ARHGEF11: variants seen among roughly 807,000 people sequenced by gnomAD.
The protein encoded by ARHGEF11 is Rho guanine nucleotide exchange factor 11.
Under a neutral mutation model 193.7 loss-of-function variants are expected in ARHGEF11, and 55 were observed. That is an observed-to-expected ratio of 0.28 (90% confidence interval 0.23 to 0.36). The LOEUF is 0.36. Ranked by LOEUF, ARHGEF11 falls within the 10% of genes least tolerant of loss-of-function variation. The probability of loss-of-function intolerance (pLI) is 1.00; values close to 1 mark genes in which losing one functional copy is unlikely to be tolerated. For synonymous variants in ARHGEF11, 693 were observed against 768.0 expected, an observed-to-expected ratio of 0.90 and a Z score of 1.62; for missense variants, 1,723 against 2,005.6, an observed-to-expected ratio of 0.86 and a Z score of 2.69.
At chr1:156,959,738 T>C (rs904000329) in intron 15 of ARHGEF11, among the ~76,000 whole-genome samples, 1 of 152,184 alleles carries the variant, frequency 6.6e-6, no homozygotes, top group African/African-American at 2.4e-5. Flanking sequence ...CAGCTTCCAA[T>C]TCCTGTCCTC....
At position 156,960,400 on chromosome 1, in the gene ARHGEF11, A is replaced by G. The variant is rs756431467; in HGVS notation, c.1282+18T>C. On this transcript the variant is annotated intron_variant, in intron 15 of 40. Transcript: ENST00000368194. ...AAAGCTACCAAGAAGAGACTTACCG[A>G]CCAATGAGCCAACTTACCAATTTCA... 6.2e-7 allele frequency: 1 copy of G among 1,613,934 alleles called. No individual in the cohort carries two copies. The highest frequency in any genetic ancestry group is 1.1e-5 in the South Asian group (1 of 91,082).
chr1:156,992,076 T>A (rs538538726), intron 1 of ARHGEF11, among the ~76,000 whole-genome samples: 1 of 152,338 alleles, frequency 6.6e-6, no homozygotes, highest in East Asian at 1.9e-4. Flanking sequence ...CAAAATGAAA[T>A]TTTAAAAGTA....
At position 156,974,200 on chromosome 1, in the gene ARHGEF11, T is replaced by G. The variant is rs184801017; in HGVS notation, c.583-2384A>C. On this transcript the variant is annotated intron_variant, in intron 7 of 40. Transcript: ENST00000368194. ...CTCCTACCTCAGCCTCCTAAGTAGC[T>G]AGGACTGCAGGCATGCACCATTATG... 6.5e-4 allele frequency among the ~76,000 whole-genome samples: 99 copies of G among 152,208 alleles called. No individual in the cohort carries two copies. In the Middle Eastern group the frequency reaches 0.024, roughly 37 times the overall value.
At chr1:156,976,451 A>G (rs1360940841) in intron 7 of ARHGEF11, among the ~76,000 whole-genome samples, 1 of 152,162 alleles carries the variant, frequency 6.6e-6, no homozygotes, top group African/African-American at 2.4e-5. Flanking sequence ...GGAACCATCT[A>G]ATCTTTTTTA....
intron 7 of ARHGEF11, among the ~76,000 whole-genome samples, chr1:156,973,524 C>T (rs1486559319): frequency 6.6e-6 from 1 of 152,156 alleles, no homozygotes; most frequent in Admixed American, 6.5e-5. Flanking sequence ...TGAGGATATC[C>T]GAATCTCTGT....
chr1:156,973,367 G>C (rs1244192489), intron 7 of ARHGEF11, among the ~76,000 whole-genome samples: 3 of 152,204 alleles, frequency 2.0e-5, no homozygotes, highest in Non-Finnish European at 4.4e-5. Context: ...GTAATAGCAA[G>C]TGGTGTGATT....
intron 1 of ARHGEF11, among the ~76,000 whole-genome samples, chr1:157,018,696 T>G (rs1321046062): frequency 6.6e-6 from 1 of 151,658 alleles, no homozygotes. Context: ...CTAAAACAAT[T>G]CTGGAAACAG....
intron 33 of ARHGEF11, among the ~76,000 whole-genome samples, chr1:156,942,278 C>T (rs1172985868): frequency 6.6e-6 from 1 of 152,218 alleles, no homozygotes; most frequent in Non-Finnish European, 1.5e-5. Context: ...CAGATGAAAA[C>T]CCTGGAGTTG....
intron 1 of ARHGEF11, among the ~76,000 whole-genome samples, chr1:157,006,484 C>G (rs540154248): frequency 0.037 from 5,610 of 152,230 alleles, 350 homozygotes; most frequent in African/African-American, 0.13. Flanking sequence ...CCAAAAGCAC[C>G]TAATCATAGG....
chr1:157,012,002 AGT>A (rs1427728705), intron 1 of ARHGEF11, among the ~76,000 whole-genome samples: 7 of 152,306 alleles, frequency 4.6e-5, no homozygotes, highest in African/African-American at 1.4e-4. Context: ...AGAAGTGAAA[AGT>A]GTTCACACAA....
At position 157,043,107 on chromosome 1, in the gene ARHGEF11, A is replaced by T. The variant is rs905574956; in HGVS notation, c.32+1192T>A. Among the ~76,000 whole-genome samples, 5 of 152,342 alleles carry T rather than the reference A, an allele frequency of 3.3e-5. No individual in the cohort carries two copies. In the South Asian group the frequency reaches 1.0e-3, roughly 32 times the overall value. ...CAATACAGAGATTAGTGCTTGAGAGAGAGAGATTATATGCATTTTAGGCCA... is the reference window on the plus strand; with the variant it reads ...CAATACAGAGATTAGTGCTTGAGAGTGAGAGATTATATGCATTTTAGGCCA... On this transcript the variant is annotated intron_variant, in intron 1 of 40. Transcript: ENST00000368194.
At chr1:156,993,162 G>C (rs1438200704) in intron 1 of ARHGEF11, among the ~76,000 whole-genome samples, 1 of 152,224 alleles carries the variant, frequency 6.6e-6, no homozygotes, top group Non-Finnish European at 1.5e-5. Context: ...TGTGTGAACA[G>C]AGAGGTTAAA....
intron 1 of ARHGEF11, among the ~76,000 whole-genome samples, chr1:157,040,647 A>G (rs1672624824): frequency 6.6e-6 from 1 of 152,218 alleles, no homozygotes; most frequent in African/African-American, 2.4e-5. Flanking sequence ...GCACTTCTAC[A>G]ACAATAAAGC....
At chr1:156,964,482 A>G (rs998393317) in intron 11 of ARHGEF11, among the ~76,000 whole-genome samples, 28 of 152,156 alleles carry the variant, frequency 1.8e-4, no homozygotes, top group Non-Finnish European at 3.2e-4. Flanking sequence ...AAATGTGCCT[A>G]TTTTAACCCA....
rs1658352163 is a variant in ARHGEF11, at chr1:156,947,463, T to C, written c.2342-13A>G. ...GTCACAAACAGCTCTGAGCGGTGGT[T>C]GTGACAAGGAGGGTAGAAAGCCAGG... On this transcript the variant is annotated splice_polypyrimidine_tract_variant and intron_variant, in intron 25 of 40. Coordinates refer to ENST00000368194, the MANE Select transcript of ARHGEF11 (RefSeq NM_198236.3). 1 of 1,584,936 alleles carries C rather than the reference T, an allele frequency of 6.3e-7. No homozygotes were observed. The highest frequency in any genetic ancestry group is 8.6e-7 in the Non-Finnish European group (1 of 1,168,008).
In ARHGEF11 at chr1:157,004,177, C is replaced by T. The variant is rs75501285; in HGVS notation, c.33-18004G>A. Among the ~76,000 whole-genome samples, 795 of 152,342 alleles carry T rather than the reference C, an allele frequency of 5.2e-3. 10 individuals are homozygous for T. The highest frequency in any genetic ancestry group is 0.018 in the African/African-American group (755 of 41,572). On this transcript the variant is annotated intron_variant, in intron 1 of 40. Coordinates refer to ENST00000368194, the MANE Select transcript of ARHGEF11 (RefSeq NM_198236.3). ...ACAACTCTTTACCAGGTCCTGCTAT[C>T]TGCCGCCTCTCTGAACTTTTCAAAA...
In ARHGEF11 at chr1:156,937,340, G is replaced by C; in HGVS notation, c.4349C>G (p.Pro1450Arg). The C allele has an allele frequency of 1.2e-6, 2 of 1,613,604 alleles. No individual in the cohort carries two copies. The highest frequency in any genetic ancestry group is 1.7e-6 in the Non-Finnish European group (2 of 1,179,750). ...LQGGNDDPRR[P>R]SRSPPSLALR... ...GGCCAGGCTTGGAGGAGAGCGGCTG[G>C]GGCGTCTTGGATCATCGTTGCCTCC... Residue 1450 changes from proline (P) to arginine (R), a missense_variant, in exon 39 of 41, where the codon CCC (proline) becomes CGC (arginine). Physicochemically the swap from Pro to Arg is moderately radical, Grantham distance 103. Coordinates refer to ENST00000368194, the MANE Select transcript of ARHGEF11 (RefSeq NM_198236.3).
intron 6 of ARHGEF11, among the ~76,000 whole-genome samples, chr1:156,977,350 G>A (rs1056894594): frequency 2.6e-5 from 4 of 152,092 alleles, no homozygotes; most frequent in Non-Finnish European, 5.9e-5. Context: ...TCTGCATCTT[G>A]TCCTCTTTTA....
chr1:157,013,581 G>A (rs1668835406), intron 1 of ARHGEF11, among the ~76,000 whole-genome samples: 1 of 151,856 alleles, frequency 6.6e-6, no homozygotes, highest in African/African-American at 2.4e-5. Flanking sequence ...ATTCTGTATA[G>A]CAAATCTCCA....
Sources: gnomAD v4.1 joint callset for allele counts (sites outside exome capture counted in the v4.1 genomes callset) on GRCh38, gnomAD v4.1.1 for gene constraint, MANE v1.5 for transcripts, NCBI Gene and HGNC (gene_info 2026-07-23, HGNC 2026-07-21) for gene names.